The following CNTNAP5 variants were observed in gnomAD, a reference collection of about 807,000 sequenced individuals.
CNTNAP5 encodes contactin associated protein family member 5, also known as contactin-associated protein-like 5.
In CNTNAP5, 72 loss-of-function variants were observed where a neutral mutation model predicts 150.2. That is an observed-to-expected ratio of 0.48 (90% CI 0.40 to 0.58). The LOEUF is 0.58. CNTNAP5 is among the 20% of genes least tolerant of loss of function. The probability of loss-of-function intolerance (pLI) is 0.00; values close to 1 mark genes in which losing one functional copy is unlikely to be tolerated. For missense variants in CNTNAP5, 1,636 were observed against 1,626.2 expected (o/e 1.01, Z -0.10); for synonymous variants, 672 against 619.8 (o/e 1.08, Z -1.25).
At chr2:124,861,752 T>C (rs1677528673) in intron 19 of CNTNAP5, among the ~76,000 whole-genome samples, 1 of 152,178 alleles carries the variant, frequency 6.6e-6, no homozygotes, top group African/African-American at 2.4e-5. Flanking sequence ...TATTTCTTTT[T>C]ATACATATTT....
intron 10 of CNTNAP5, among the ~76,000 whole-genome samples, chr2:124,548,796 G>A (rs1695571537): frequency 6.6e-6 from 1 of 152,166 alleles, no homozygotes; most frequent in African/African-American, 2.4e-5. Flanking sequence ...TTAAGATATT[G>A]TGCTTTGTCT....
intron 10 of CNTNAP5, among the ~76,000 whole-genome samples, chr2:124,556,913 A>C (rs558644618): frequency 2.6e-5 from 4 of 152,092 alleles, no homozygotes; most frequent in South Asian, 2.1e-4. Context: ...TGGATGGGTA[A>C]ATTGAATTTT....
At chr2:124,416,623 A>G (rs1691923086) in intron 3 of CNTNAP5, among the ~76,000 whole-genome samples, 1 of 152,166 alleles carries the variant, frequency 6.6e-6, no homozygotes, top group Admixed American at 6.5e-5. Flanking sequence ...TTACTAGCCA[A>G]TTGGGTGATT....
At chr2:124,485,612 C>CAAAAAAAAAAAAA (rs576700912) in intron 7 of CNTNAP5, among the ~76,000 whole-genome samples, 2 of 52,392 alleles carry the variant, frequency 3.8e-5, no homozygotes, top group African/African-American at 1.7e-4. Context: ...GACTCTGTCT[C>CAAAAAAAAAAAAA]AAAAAAAAAA....
intron 13 of CNTNAP5, among the ~76,000 whole-genome samples, chr2:124,672,848 A>C (rs1678852355): frequency 6.6e-6 from 1 of 152,190 alleles, no homozygotes; most frequent in Non-Finnish European, 1.5e-5. Context: ...AATTTCTCAA[A>C]ATTAAAAATG....
chr2:124,271,328 G>A (rs1687745848), intron 3 of CNTNAP5, among the ~76,000 whole-genome samples: 1 of 152,138 alleles, frequency 6.6e-6, no homozygotes, highest in Non-Finnish European at 1.5e-5. Flanking sequence ...AAGGTGTGAA[G>A]GAAACAGTAG....
intron 11 of CNTNAP5, 62 bp downstream of exon 11, chr2:124,563,385 ACT>A: frequency 4.2e-6 from 4 of 957,468 alleles, no homozygotes; most frequent in Non-Finnish European, 6.6e-6. Flanking sequence ...ACCATTGTTA[ACT>A]TCAGGATGTA....
intron 13 of CNTNAP5, among the ~76,000 whole-genome samples, chr2:124,729,164 A>C (rs1558753299): frequency 6.6e-6 from 1 of 152,064 alleles, no homozygotes; most frequent in Non-Finnish European, 1.5e-5. Context: ...CAGATTCAAG[A>C]GGAGACACAA....
chr2:124,850,824 G>T (rs1188541615), intron 19 of CNTNAP5, among the ~76,000 whole-genome samples: 1 of 152,090 alleles, frequency 6.6e-6, no homozygotes, highest in East Asian at 1.9e-4. Context: ...AGAAAAGAAT[G>T]TGACTGTATT....
chr2:124,067,968 GAGA>G (rs1170683328), intron 1 of CNTNAP5, among the ~76,000 whole-genome samples: 2 of 152,078 alleles, frequency 1.3e-5, no homozygotes, highest in African/African-American at 4.8e-5. Flanking sequence ...AGTCATATTG[GAGA>G]AGGAGGAATA....
chr2:124,352,860 A>G (rs1309216217), intron 3 of CNTNAP5, among the ~76,000 whole-genome samples: 1 of 152,168 alleles, frequency 6.6e-6, no homozygotes, highest in African/African-American at 2.4e-5. Context: ...ACCCCTTCTT[A>G]CAATCCCATG....
chr2:124,323,690 C>A (rs574288227), intron 3 of CNTNAP5, among the ~76,000 whole-genome samples: 13 of 152,286 alleles, frequency 8.5e-5, no homozygotes, highest in African/African-American at 3.1e-4. Flanking sequence ...GGCCTGCCAA[C>A]CCCTGCCTCC....
intron 13 of CNTNAP5, 61 bp from the exon 14 acceptor site, chr2:124,747,168 C>A (rs1680620087): frequency 2.0e-6 from 3 of 1,529,742 alleles, no homozygotes; most frequent in Non-Finnish European, 2.7e-6. Flanking sequence ...AGTTTCTGTG[C>A]CATCCCCTGT....
chr2:124,845,765 T>A (rs1683035773), intron 19 of CNTNAP5, among the ~76,000 whole-genome samples: 1 of 152,150 alleles, frequency 6.6e-6, no homozygotes, highest in African/African-American at 2.4e-5. Flanking sequence ...TTCTCTAGTT[T>A]ATGTGCATAA....
chr2:124,592,553 C>T (rs1383602115), intron 11 of CNTNAP5, among the ~76,000 whole-genome samples: 1 of 150,110 alleles, frequency 6.7e-6, no homozygotes, highest in East Asian at 2.0e-4. Flanking sequence ...AAAAAAAATG[C>T]TAAAGAAAAT....
chr2:124,437,196 G>A (rs943514184), intron 5 of CNTNAP5, among the ~76,000 whole-genome samples: 1 of 152,164 alleles, frequency 6.6e-6, no homozygotes, highest in Non-Finnish European at 1.5e-5. Context: ...GGCAGATTGA[G>A]TACATTAGGA....
rs143554674 is a variant in CNTNAP5 at position 124,511,087 on chromosome 2, G to A, written c.1327+6531G>A. Among the ~76,000 whole-genome samples the A allele has an allele frequency of 3.2e-3, 489 of 152,224 alleles. 4 individuals are homozygous for A. The highest frequency in any genetic ancestry group is 9.9e-3 in the African/African-American group (410 of 41,518). On this transcript the variant is annotated intron_variant, in intron 8 of 23. Coordinates refer to ENST00000682447, the MANE Select transcript of CNTNAP5 (RefSeq NM_001367498.1). Reference sequence around the variant, plus strand: ...ATTTTTAATGATGGATGTGGTTGCCGTTTTAAAGGCTTTTATGGAGATGCT... The same window carrying A: ...ATTTTTAATGATGGATGTGGTTGCCATTTTAAAGGCTTTTATGGAGATGCT...
At chr2:124,351,483 G>C (rs1179793148) in intron 3 of CNTNAP5, among the ~76,000 whole-genome samples, 1 of 152,196 alleles carries the variant, frequency 6.6e-6, no homozygotes, top group African/African-American at 2.4e-5. Context: ...TGTAGCCATG[G>C]ACAAGGAGAG....
intron 6 of CNTNAP5, among the ~76,000 whole-genome samples, chr2:124,450,886 A>G (rs1403429582): frequency 6.6e-6 from 1 of 151,044 alleles, no homozygotes; most frequent in African/African-American, 2.4e-5. Context: ...ATGATTCAGG[A>G]GTCAGGCGTG....
Sources: gnomAD v4.1 joint callset for allele counts (sites outside exome capture counted in the v4.1 genomes callset) on GRCh38, gnomAD v4.1.1 for gene constraint, MANE v1.5 for transcripts, NCBI Gene and HGNC (gene_info 2026-07-23, HGNC 2026-07-21) for gene names.